RBFOX1: variants seen among roughly 807,000 people sequenced by gnomAD.
RBFOX1 encodes the protein RNA binding fox-1 homolog 1.
In RBFOX1, 8 loss-of-function variants were observed where a neutral mutation model predicts 57.7. The observed-to-expected ratio is 0.14, with a 90% CI of 0.08 to 0.25. The LOEUF is 0.25. Ranked by LOEUF, RBFOX1 falls within the 10% of genes least tolerant of loss-of-function variation. The pLI is 1.00. For missense variants in RBFOX1, 611 were observed against 548.5 expected (o/e 1.11, Z -1.14); for synonymous variants, 326 against 222.4 (o/e 1.47, Z -4.15).
intron 2 of RBFOX1, chr16:6,483,468 G>C: frequency 3.3e-6 from 5 of 1,535,680 alleles, no homozygotes; most frequent in Non-Finnish European, 4.4e-6. Flanking sequence ...TGTTTTCCCG[G>C]TGAGGAAACA....
intron 4 of RBFOX1, among the ~76,000 whole-genome samples, chr16:7,241,115 T>C (rs945939170): frequency 1.3e-5 from 2 of 152,188 alleles, no homozygotes; most frequent in Non-Finnish European, 2.9e-5. Flanking sequence ...ATTTCTGGCT[T>C]GAGACCCGAG....
chr16:5,943,508 A>G (rs1201277452), intron 4 of RBFOX1, among the ~76,000 whole-genome samples: 6 of 152,216 alleles, frequency 3.9e-5, no homozygotes. Flanking sequence ...AACTCAGGGC[A>G]TCCTATGCCA....
intron 4 of RBFOX1, among the ~76,000 whole-genome samples, chr16:7,318,713 C>A (rs1269819549): frequency 2.0e-5 from 3 of 152,138 alleles, no homozygotes; most frequent in Non-Finnish European, 4.4e-5. Context: ...TGGACTTCTG[C>A]TATATTCTTG....
intron 3 of RBFOX1, among the ~76,000 whole-genome samples, chr16:5,851,945 T>C (rs1005589897): frequency 6.6e-6 from 1 of 152,120 alleles, no homozygotes; most frequent in Admixed American, 6.5e-5. Flanking sequence ...GCACCCGAAT[T>C]AAAAGCTCCA....
rs779280552 is a variant in RBFOX1 at position 6,166,437 on chromosome 16, GGT to G, written c.-127+146448_-127+146449del. Among the ~76,000 whole-genome samples the G allele has an allele frequency of 3.7e-3, 561 of 152,204 alleles. 3 individuals carry two copies. The highest frequency in any genetic ancestry group is 5.3e-3 in the Non-Finnish European group (363 of 68,012). ...GGGGGAATGAAAATAAGGTCATCAA[GGT>G]GTCTCTCTCTTTCTCTCTGACTCTC... On this transcript the variant is annotated intron_variant, in intron 1 of 15. Transcript: ENST00000550418.
At chr16:6,070,247 C>T (rs987442708) in intron 1 of RBFOX1, among the ~76,000 whole-genome samples, 2 of 152,046 alleles carry the variant, frequency 1.3e-5, no homozygotes, top group South Asian at 4.2e-4. Flanking sequence ...GTATGTGGCT[C>T]CCCCAAAGTA....
At chr16:7,119,183 C>G (rs1019954254) in intron 4 of RBFOX1, among the ~76,000 whole-genome samples, 6 of 152,130 alleles carry the variant, frequency 3.9e-5, no homozygotes, top group African/African-American at 1.4e-4. Flanking sequence ...ACCTACACCA[C>G]AGAAATCCCA....
At chr16:6,993,598 GACTTGAGTTTAATTGTTAAAATTCC>G (rs1169735182) in intron 3 of RBFOX1, among the ~76,000 whole-genome samples, 1 of 152,118 alleles carries the variant, frequency 6.6e-6, no homozygotes, top group African/African-American at 2.4e-5. Flanking sequence ...CATATGGAGA[GACTTGAGTTTAATTGTTAAAATTCC>G]ACTCAGCCGG....
chr16:6,375,615 T>C (rs2152903383), intron 2 of RBFOX1, among the ~76,000 whole-genome samples: 1 of 152,192 alleles, frequency 6.6e-6, no homozygotes, highest in Non-Finnish European at 1.5e-5. Context: ...TGGAATCATG[T>C]GATTGCTGGA....
chr16:7,100,734 C>T (rs748436480), intron 4 of RBFOX1, among the ~76,000 whole-genome samples: 99 of 151,986 alleles, frequency 6.5e-4, no homozygotes, highest in South Asian at 2.3e-3. Flanking sequence ...GAACAGAGGA[C>T]TCAGAGGGGG....
chr16:6,908,355 A>T (rs1227674971), intron 3 of RBFOX1, among the ~76,000 whole-genome samples: 2 of 146,432 alleles, frequency 1.4e-5, no homozygotes, highest in South Asian at 2.1e-4. Context: ...CTGCCTTTGC[A>T]CCCTTCTAAC....
At chr16:6,368,514 A>T (rs953115189) in intron 2 of RBFOX1, among the ~76,000 whole-genome samples, 1 of 152,072 alleles carries the variant, frequency 6.6e-6, no homozygotes, top group African/African-American at 2.4e-5. Flanking sequence ...CTGCATCCAC[A>T]TCTCCTTCCA....
intron 1 of RBFOX1, among the ~76,000 whole-genome samples, chr16:6,116,277 G>A (rs1191414652): frequency 6.6e-6 from 1 of 151,152 alleles, no homozygotes; most frequent in African/African-American, 2.4e-5. Flanking sequence ...CAGGGGGTGG[G>A]GGGCAGGGGA....
chr16:6,151,498 C>G (rs1004971200), intron 1 of RBFOX1, among the ~76,000 whole-genome samples: 8 of 152,106 alleles, frequency 5.3e-5, no homozygotes, highest in Non-Finnish European at 1.0e-4. Flanking sequence ...GTTGGCCAGG[C>G]TGGTGTTGAA....
chr16:6,542,175 G>C (rs761238981), intron 2 of RBFOX1, among the ~76,000 whole-genome samples: 1 of 151,938 alleles, frequency 6.6e-6, no homozygotes, highest in Non-Finnish European at 1.5e-5. Flanking sequence ...ATCTTCCTGC[G>C]TCTGCCTCTC....
At chr16:7,227,973 G>T (rs772004755) in intron 4 of RBFOX1, among the ~76,000 whole-genome samples, 1 of 152,166 alleles carries the variant, frequency 6.6e-6, no homozygotes, top group South Asian at 2.1e-4. Flanking sequence ...GTGCTCTGTA[G>T]GATGTTTAGC....
chr16:7,077,260 G>C (rs1321493718), intron 4 of RBFOX1, among the ~76,000 whole-genome samples: 1 of 152,222 alleles, frequency 6.6e-6, no homozygotes, highest in African/African-American at 2.4e-5. Context: ...TGGTGGGCAA[G>C]GTACTGTTAG....
At chr16:5,760,362 A>ACACG (rs763154692) in intron 3 of RBFOX1, among the ~76,000 whole-genome samples, 8 of 151,180 alleles carry the variant, frequency 5.3e-5, no homozygotes, top group African/African-American at 1.9e-4. Context: ...CAGCAATTTC[A>ACACG]CACACACACA....
At chr16:6,777,763 A>T (rs968816560) in intron 3 of RBFOX1, among the ~76,000 whole-genome samples, 1 of 152,160 alleles carries the variant, frequency 6.6e-6, no homozygotes, top group Admixed American at 6.5e-5. Flanking sequence ...CAGGAAGTTG[A>T]ATATGATGAG....
Sources: allele counts gnomAD v4.1 joint callset (sites outside exome capture counted in the v4.1 genomes callset), GRCh38; gene constraint gnomAD v4.1.1; transcripts MANE v1.5; gene names NCBI Gene and HGNC (gene_info 2026-07-23, HGNC 2026-07-21).